Variants in VEPH1 observed in about 807,000 individuals in gnomAD.
The protein encoded by VEPH1 is ventricular zone expressed PH domain containing 1.
A neutral mutation model predicts 85.2 loss-of-function variants in VEPH1; 80 were observed. The observed-to-expected ratio is 0.94, with a 90% CI of 0.78 to 1.13. VEPH1 has a LOEUF of 1.13. Ranked by LOEUF, VEPH1 falls within the 50% of genes most tolerant of loss-of-function variation. VEPH1 has a pLI of 0.00. For missense variants in VEPH1, 955 were observed against 980.5 expected (o/e 0.97, Z 0.35); for synonymous variants, 297 against 348.0 (o/e 0.85, Z 1.63).
At chr3:157,417,987 C>T (rs75116723) in intron 5 of VEPH1, among the ~76,000 whole-genome samples, 3,537 of 152,180 alleles carry the variant, frequency 0.023, 157 homozygotes, top group African/African-American at 0.081. Context: ...ATGTGAACAC[C>T]CCAGTCCACA....
At chr3:157,418,061 C>G (rs1732052925) in intron 5 of VEPH1, among the ~76,000 whole-genome samples, 1 of 152,152 alleles carries the variant, frequency 6.6e-6, no homozygotes, top group African/African-American at 2.4e-5. Context: ...GGCTTGTTCT[C>G]AGGAGAATAG....
At chr3:157,263,835 T>C (rs1713246341) in intron 13 of VEPH1, among the ~76,000 whole-genome samples, 1 of 152,236 alleles carries the variant, frequency 6.6e-6, no homozygotes, top group Non-Finnish European at 1.5e-5. Context: ...TTATAATGAG[T>C]ACTCTAAAGA....
chr3:157,310,957 G>T (rs1720041329), intron 11 of VEPH1, among the ~76,000 whole-genome samples: 1 of 152,102 alleles, frequency 6.6e-6, no homozygotes. Context: ...ATATCGCAAG[G>T]GTATGTGTAT....
chr3:157,460,445 A>G (rs1360092596), intron 3 of VEPH1, 90 bp from the exon 4 acceptor site: 3 of 1,438,866 alleles, frequency 2.1e-6, no homozygotes, highest in Non-Finnish European at 2.8e-6. Context: ...TTATTGGATT[A>G]AGCTACCAGA....
In VEPH1 at chr3:157,430,558, T is replaced by G. The variant is rs1733065227; in HGVS notation, c.530-2070A>C. ...TGTCTCTTTGTGCAAAAATGAGAGATATTTCTTAGGGTAGTGCTTCTGAGT... is the reference window on the plus strand; with the variant it reads ...TGTCTCTTTGTGCAAAAATGAGAGAGATTTCTTAGGGTAGTGCTTCTGAGT... On this transcript the variant is annotated intron_variant, in intron 4 of 13. Coordinates refer to ENST00000362010, the MANE Select transcript of VEPH1 (RefSeq NM_001167912.2). 2.0e-5 allele frequency among the ~76,000 whole-genome samples: 3 copies of G among 152,220 alleles called. No individual in the cohort carries two copies. The South Asian group carries it at 6.2e-4, about 32-fold the overall frequency.
At chr3:157,438,123 G>T (rs528614608) in intron 4 of VEPH1, among the ~76,000 whole-genome samples, 1 of 151,524 alleles carries the variant, frequency 6.6e-6, no homozygotes, top group Non-Finnish European at 1.5e-5. Flanking sequence ...ATACAAGGCG[G>T]GAAAATTGGC....
At chr3:157,377,376 T>C (rs1460369124) in intron 7 of VEPH1, among the ~76,000 whole-genome samples, 8 of 151,858 alleles carry the variant, frequency 5.3e-5, no homozygotes, top group Non-Finnish European at 1.5e-5. Flanking sequence ...TGCAGACTCA[T>C]ATTTTCATAG....
chr3:157,279,170 T>G (rs1317663840), intron 12 of VEPH1, among the ~76,000 whole-genome samples: 1 of 152,098 alleles, frequency 6.6e-6, no homozygotes, highest in Non-Finnish European at 1.5e-5. Context: ...ATTACTGTAG[T>G]AAGAGCGTTA....
intron 6 of VEPH1, among the ~76,000 whole-genome samples, chr3:157,394,082 A>G (rs1441965655): frequency 6.6e-6 from 1 of 152,212 alleles, no homozygotes; most frequent in Non-Finnish European, 1.5e-5. Flanking sequence ...TCTCCATCCC[A>G]GAGATATTAT....
intron 12 of VEPH1, chr3:157,285,098 T>C (rs1716603465): frequency 6.6e-6 from 1 of 152,214 alleles, no homozygotes; most frequent in Admixed American, 6.5e-5. Flanking sequence ...AAGTACCTTA[T>C]TTTAGTAGCT....
intron 4 of VEPH1, chr3:157,438,037 GCACACACACACACACACA>G (rs781700719): frequency 8.3e-5 from 43 of 516,102 alleles, no homozygotes; most frequent in East Asian, 7.2e-4. Flanking sequence ...GCGCGCGCGC[GCACACACACACACACACA>G]CACACACACA....
chr3:157,291,194 T>C (rs1483249380), intron 11 of VEPH1, among the ~76,000 whole-genome samples: 1 of 152,232 alleles, frequency 6.6e-6, no homozygotes, highest in Non-Finnish European at 1.5e-5. Context: ...TTTTAAGACA[T>C]GTAAGCAAGT....
In VEPH1 at chr3:157,378,482, G is replaced by A. The variant is rs112748944; in HGVS notation, c.1127+2674C>T. On this transcript the variant is annotated intron_variant, in intron 7 of 13. Coordinates refer to ENST00000362010, the MANE Select transcript of VEPH1 (RefSeq NM_001167912.2). The stretch of plus-strand genomic sequence containing the variant: ...TCTATCATCTAGTGGGTAGAGGCCA[G>A]CACATTGCTGGTGAATATTCTATAA... 4.9e-3 allele frequency among the ~76,000 whole-genome samples: 744 copies of A among 151,682 alleles called. 5 individuals are homozygous for A. Among genetic ancestry groups the A allele is most frequent in the Non-Finnish European group, 7.9e-3 (537 of 67,918 alleles).
chr3:157,496,738 CT>C (rs1277975834), intron 1 of VEPH1, among the ~76,000 whole-genome samples: 3 of 152,198 alleles, frequency 2.0e-5, no homozygotes, highest in Non-Finnish European at 4.4e-5. Flanking sequence ...AAGACACATA[CT>C]CTTCAAACAC....
intron 12 of VEPH1, among the ~76,000 whole-genome samples, chr3:157,267,104 T>C (rs1209869597): frequency 2.6e-4 from 10 of 39,114 alleles, no homozygotes; most frequent in African/African-American, 2.1e-3. Flanking sequence ...TTTTTTTTCT[T>C]TTTTTTTTTT....
chr3:157,328,549 T>C (rs958788477), intron 9 of VEPH1, among the ~76,000 whole-genome samples: 3 of 152,144 alleles, frequency 2.0e-5, no homozygotes, highest in Non-Finnish European at 4.4e-5. Context: ...TAAATTTCTC[T>C]GGGGACAGGG....
At chr3:157,285,951 A>T (rs1239404407) in intron 12 of VEPH1, among the ~76,000 whole-genome samples, 1 of 152,202 alleles carries the variant, frequency 6.6e-6, no homozygotes. Context: ...GCAAGGACTG[A>T]TTAAATGAGA....
At chr3:157,437,758 G>A (rs776007575) in intron 4 of VEPH1, 87 of 1,488,502 alleles carry the variant, frequency 5.8e-5, no homozygotes, top group Non-Finnish European at 7.0e-5. Context: ...GGCGACCCGC[G>A]ACGCGGGCCG....
At chr3:157,485,506 T>C (rs1288365298) in intron 2 of VEPH1, among the ~76,000 whole-genome samples, 1 of 151,968 alleles carries the variant, frequency 6.6e-6, no homozygotes, top group Non-Finnish European at 1.5e-5. Context: ...ATAATAGAAA[T>C]AGAATATATA....
Sources: gnomAD v4.1 joint callset for allele counts (sites outside exome capture counted in the v4.1 genomes callset) on GRCh38, gnomAD v4.1.1 for gene constraint, MANE v1.5 for transcripts, NCBI Gene and HGNC (gene_info 2026-07-23, HGNC 2026-07-21) for gene names.